ADCY2: variants seen among roughly 807,000 people sequenced by gnomAD.
The protein encoded by ADCY2 is adenylate cyclase type 2.
Under a neutral mutation model 125.2 loss-of-function variants are expected in ADCY2, and 31 were observed. The observed-to-expected ratio is 0.25, with a 90% CI of 0.19 to 0.33. ADCY2 has a LOEUF of 0.33. ADCY2 is among the 10% of genes least tolerant of loss of function. ADCY2 has a pLI of 1.00. For missense variants in ADCY2, 904 were observed against 1,418.2 expected (o/e 0.64, Z 5.82); for synonymous variants, 512 against 548.4 (o/e 0.93, Z 0.93).
chr5:7,563,789 T>C (rs1735803926), intron 3 of ADCY2, among the ~76,000 whole-genome samples: 1 of 152,230 alleles, frequency 6.6e-6, no homozygotes, highest in African/African-American at 2.4e-5. Context: ...CTGTTGGTTC[T>C]CTTCATGTCC....
rs1222835734 is a variant in ADCY2, at chr5:7,741,793, C to CATA, written c.1872-1875_1872-1874insATA. On this transcript the variant is annotated intron_variant, in intron 14 of 24. Transcript: ENST00000338316. ...CACCATACCATCATCATCCCTATCA[C>CATA]CATCACCCATAATCATCATTACCAT... is the stretch of plus-strand genomic sequence containing the variant. 8.3e-3 allele frequency among the ~76,000 whole-genome samples: 155 copies of CATA among 18,748 alleles called. 1 individual carries two copies. Among genetic ancestry groups the CATA allele is most frequent in the African/African-American group, 0.026 (137 of 5,230 alleles). The allele number at this position is 18,748 out of a possible 152,430, so 12.3% of individuals were successfully genotyped here.
intron 4 of ADCY2, among the ~76,000 whole-genome samples, chr5:7,629,693 T>G (rs1738252737): frequency 6.6e-6 from 1 of 152,258 alleles, no homozygotes; most frequent in South Asian, 2.1e-4. Context: ...GACTTTTGTC[T>G]TAAGTTTCAT....
chr5:7,456,459 C>T (rs541012840), intron 2 of ADCY2, among the ~76,000 whole-genome samples: 7 of 152,178 alleles, frequency 4.6e-5, no homozygotes, highest in Middle Eastern at 3.4e-3. Context: ...TGAAGTAAGA[C>T]GCTTGAAATG....
intron 3 of ADCY2, among the ~76,000 whole-genome samples, chr5:7,546,417 A>G (rs113149800): frequency 0.018 from 2,782 of 152,162 alleles, 84 homozygotes; most frequent in African/African-American, 0.064. Context: ...TAAGATCCCT[A>G]CCTCCTTTTT....
chr5:7,801,477 G>A (rs977906243), intron 20 of ADCY2: 2 of 152,172 alleles, frequency 1.3e-5, no homozygotes, highest in Admixed American at 1.3e-4. Context: ...CCAGTGGAAG[G>A]GCAGATCCTC....
At chr5:7,758,253 A>G (rs976047007) in intron 16 of ADCY2, among the ~76,000 whole-genome samples, 2 of 152,172 alleles carry the variant, frequency 1.3e-5, no homozygotes, top group African/African-American at 4.8e-5. Flanking sequence ...TTTTGTAACT[A>G]TTGAACCAAT....
intron 3 of ADCY2, among the ~76,000 whole-genome samples, chr5:7,540,550 G>A (rs1017481722): frequency 1.3e-5 from 2 of 152,080 alleles, no homozygotes; most frequent in Non-Finnish European, 2.9e-5. Flanking sequence ...TACATTTTTC[G>A]ACACTGTTGA....
At chr5:7,782,750 G>A (rs1041308595) in intron 18 of ADCY2, among the ~76,000 whole-genome samples, 4 of 152,244 alleles carry the variant, frequency 2.6e-5, no homozygotes, top group South Asian at 2.1e-4. Context: ...AATATAGCAT[G>A]AGCATGGTCA....
intron 7 of ADCY2, among the ~76,000 whole-genome samples, chr5:7,702,860 C>T (rs932687361): frequency 5.9e-5 from 9 of 152,156 alleles, no homozygotes; most frequent in African/African-American, 2.2e-4. Context: ...TAAAAGTGTT[C>T]CTATTTCTCC....
chr5:7,412,061 C>T (rs1488857665), intron 1 of ADCY2, among the ~76,000 whole-genome samples: 1 of 149,328 alleles, frequency 6.7e-6, no homozygotes, highest in Non-Finnish European at 1.5e-5. Flanking sequence ...GGCGACAGAG[C>T]GAGACTCCGT....
At chr5:7,547,729 G>T in intron 3 of ADCY2, among the ~76,000 whole-genome samples, 1 of 152,144 alleles carries the variant, frequency 6.6e-6, no homozygotes, top group East Asian at 1.9e-4. Context: ...GTGTCAGCAG[G>T]GGCTGACCTG....
intron 2 of ADCY2, among the ~76,000 whole-genome samples, chr5:7,446,575 T>G (rs544748263): frequency 2.0e-5 from 3 of 152,092 alleles, no homozygotes; most frequent in Non-Finnish European, 4.4e-5. Flanking sequence ...CATACATACA[T>G]ACATACATAA....
At position 7,746,806 on chromosome 5, in the gene ADCY2, C is replaced by G. The variant is rs183528218; in HGVS notation, c.1956+3054C>G. Among the ~76,000 whole-genome samples, 543 of 152,292 alleles carry G rather than the reference C, an allele frequency of 3.6e-3. 2 individuals are homozygous for G. The highest frequency in any genetic ancestry group is 6.0e-3 in the Non-Finnish European group (407 of 68,022). On this transcript the variant is annotated intron_variant, in intron 15 of 24. Coordinates refer to ENST00000338316, the MANE Select transcript of ADCY2 (RefSeq NM_020546.3). ...TGAAGAAATAACATAAAATGTAATA[C>G]TTCATAAAGGAAGCTGAAGAGAGGT...
chr5:7,809,072 A>G (rs1056525931), intron 22 of ADCY2, among the ~76,000 whole-genome samples: 13 of 152,248 alleles, frequency 8.5e-5, no homozygotes, highest in African/African-American at 2.9e-4. Context: ...TTTAATATGC[A>G]AAATACTTAA....
intron 2 of ADCY2, among the ~76,000 whole-genome samples, chr5:7,451,170 G>T (rs1331806125): frequency 6.6e-6 from 1 of 152,172 alleles, no homozygotes; most frequent in Admixed American, 6.5e-5. Context: ...TAAGGCTATA[G>T]ATGCCATAGA....
At position 7,539,125 on chromosome 5, in the gene ADCY2, A is replaced by G. The variant is rs181379251; in HGVS notation, c.570+18226A>G. On this transcript the variant is annotated intron_variant, in intron 3 of 24. Transcript: ENST00000338316. Reference sequence around the variant, plus strand: ...TGACCCACCTGCCTCGGTCTCCCAAAGTGCTGGGATGACAGGTGTGAGTCA... The same window carrying G: ...TGACCCACCTGCCTCGGTCTCCCAAGGTGCTGGGATGACAGGTGTGAGTCA... Among the ~76,000 whole-genome samples, 521 of 152,082 alleles carry G rather than the reference A, an allele frequency of 3.4e-3. 1 individual carries two copies. Among genetic ancestry groups the G allele is most frequent in the Non-Finnish European group, 5.5e-3 (373 of 67,986 alleles).
At chr5:7,465,933 C>T (rs1247915457) in intron 2 of ADCY2, among the ~76,000 whole-genome samples, 1 of 152,114 alleles carries the variant, frequency 6.6e-6, no homozygotes, top group East Asian at 1.9e-4. Flanking sequence ...TCCTAGACAT[C>T]TAGACATTCT....
At chr5:7,597,182 A>G (rs774360464) in intron 3 of ADCY2, among the ~76,000 whole-genome samples, 1 of 152,202 alleles carries the variant, frequency 6.6e-6, no homozygotes, top group Non-Finnish European at 1.5e-5. Flanking sequence ...GCCAGCTGCT[A>G]TTTCTGGCTT....
At chr5:7,791,811 G>A (rs946866373) in intron 20 of ADCY2, among the ~76,000 whole-genome samples, 3 of 152,068 alleles carry the variant, frequency 2.0e-5, no homozygotes, top group African/African-American at 4.8e-5. Context: ...CTCCGTGGGC[G>A]CCTCCTGGGG....
Sources: gnomAD v4.1 joint callset for allele counts (sites outside exome capture counted in the v4.1 genomes callset) on GRCh38, gnomAD v4.1.1 for gene constraint, MANE v1.5 for transcripts, NCBI Gene and HGNC (gene_info 2026-07-23, HGNC 2026-07-21) for gene names.